The following VGLL4 variants were observed in gnomAD, a reference collection of about 807,000 sequenced individuals.
VGLL4 encodes the protein transcription cofactor vestigial-like protein 4.
Under a neutral mutation model 21.0 loss-of-function variants are expected in VGLL4, and 7 were observed. The ratio of observed to expected loss-of-function variants is 0.33; its 90% CI spans 0.19 to 0.63. The LOEUF is 0.63. Among genes scored for constraint, VGLL4 ranks in the 20% least tolerant of loss-of-function variants. The pLI is 0.78. For missense variants in VGLL4, 394 were observed against 425.7 expected (o/e 0.93, Z 0.66); for synonymous variants, 222 against 173.2 (o/e 1.28, Z -2.21).
chr3:11,714,361 C>T (rs2076890465), intron 1 of VGLL4, among the ~76,000 whole-genome samples: 1 of 152,094 alleles, frequency 6.6e-6, no homozygotes, highest in South Asian at 2.1e-4. Flanking sequence ...GAGCAGACTA[C>T]CAATTCCCAA....
intron 3 of VGLL4, among the ~76,000 whole-genome samples, chr3:11,564,020 C>G (rs1422884202): frequency 1.3e-5 from 2 of 152,158 alleles, no homozygotes; most frequent in East Asian, 3.9e-4. Flanking sequence ...GGAGGCACCC[C>G]CTCGGGGCAC....
intron 2 of VGLL4, among the ~76,000 whole-genome samples, chr3:11,688,641 T>C (rs1679870653): frequency 6.6e-6 from 1 of 152,232 alleles, no homozygotes. Flanking sequence ...GTTTGTTTAA[T>C]TTATTGATCT....
chr3:11,564,807 T>TC lies in VGLL4; in HGVS notation c.484dup (p.Glu162GlyfsTer51). ...CAGACAGAGGCCCACCTGCTGCCGC[T>TC]CCCCCGGGGTCAGTGTGGGCGAGAG... On this transcript the variant is annotated frameshift_variant, in exon 3 of 5. Transcript: ENST00000430365. LOFTEE classifies it high-confidence loss of function. The TC allele has an allele frequency of 6.4e-7, 1 of 1,559,554 alleles. No individual in the cohort carries two copies.
chr3:11,658,557 C>G (rs1342344016), intron 2 of VGLL4, among the ~76,000 whole-genome samples: 1 of 150,362 alleles, frequency 6.7e-6, no homozygotes, highest in African/African-American at 2.5e-5. Flanking sequence ...GTTTTAATAT[C>G]ATGATTAATT....
chr3:11,714,581 GA>G (rs1035894676), intron 1 of VGLL4, among the ~76,000 whole-genome samples: 4 of 146,038 alleles, frequency 2.7e-5, no homozygotes, highest in East Asian at 2.0e-4. Flanking sequence ...AAAAAAAAAA[GA>G]AAAAAATGAA....
At chr3:11,566,558 C>A (rs1388466074) in intron 2 of VGLL4, among the ~76,000 whole-genome samples, 2 of 152,208 alleles carry the variant, frequency 1.3e-5, no homozygotes, top group Admixed American at 6.5e-5. Flanking sequence ...CCGTCCTCAT[C>A]TCTGGCTTCA....
intron 2 of VGLL4, among the ~76,000 whole-genome samples, chr3:11,692,327 G>C (rs1017815504): frequency 1.3e-5 from 2 of 152,134 alleles, no homozygotes; most frequent in African/African-American, 2.4e-5. Context: ...TGTCTCTGGA[G>C]GGCAGCCCTT....
At chr3:11,573,292 AAAGAAAGAAAGAAAGGAAGGAAGG>A (rs1559869784) in intron 2 of VGLL4, among the ~76,000 whole-genome samples, 209 of 11,018 alleles carry the variant, frequency 0.019, 18 homozygotes, top group East Asian at 0.062. Context: ...AGAAAGAAAG[AAAGAAAGAAAGAAAGGAAGGAAGG>A]AAGAAAGAAA....
rs759905631 is a variant in VGLL4 at position 11,653,207 on chromosome 3, A to G, written c.64+49764T>C. Reference sequence around the variant, plus strand: ...CACCTCCACAGTCATCCTTCCAACCAGTTAGGGTGCCGTCCAGGAAAGAGA... The same window carrying G: ...CACCTCCACAGTCATCCTTCCAACCGGTTAGGGTGCCGTCCAGGAAAGAGA... On this transcript the variant is annotated intron_variant, in intron 2 of 5. Transcript: ENST00000273038. This position sits in a 1 kb window ranked among gnomAD's most constrained non-coding sequence, Gnocchi z 4.2. Among the ~76,000 whole-genome samples the G allele has an allele frequency of 6.6e-6, 1 of 152,180 alleles. No individual in the cohort carries two copies.
intron 2 of VGLL4, among the ~76,000 whole-genome samples, chr3:11,699,372 T>C (rs1335052848): frequency 1.3e-5 from 2 of 152,158 alleles, no homozygotes. Flanking sequence ...TTCCCAAAAA[T>C]GTTAATAATA....
rs34152653 is a variant in VGLL4 at position 11,643,669 on chromosome 3, T to TAAA, written c.-154_-152dup. On this transcript the variant is annotated 5_prime_UTR_variant, in exon 1 of 5. Coordinates refer to ENST00000430365, the MANE Select transcript of VGLL4 (RefSeq NM_001128219.3). ...CTATCAAAACAAAGTATGCAAAAGT[T>TAAA]AAAAAAAAAAAAATCAGGCACAAAA... 13 of 1,345,288 alleles carry TAAA rather than the reference T, an allele frequency of 9.7e-6. No individual in the cohort carries two copies. Among genetic ancestry groups the TAAA allele is most frequent in the African/African-American group, 4.5e-5 (3 of 65,936 alleles). The allele number at this position is 1,345,288 out of a possible 1,614,324, so 83.3% of individuals were successfully genotyped here.
intron 3 of VGLL4, among the ~76,000 whole-genome samples, chr3:11,563,568 C>T (rs1189185850): frequency 6.6e-6 from 1 of 152,270 alleles, no homozygotes; most frequent in African/African-American, 2.4e-5. Context: ...CACAGCTCTG[C>T]TCTGCAGAGG....
intron 1 of VGLL4, among the ~76,000 whole-genome samples, chr3:11,716,265 G>A (rs1299104487): frequency 6.9e-6 from 1 of 145,330 alleles, no homozygotes; most frequent in Non-Finnish European, 1.5e-5. Flanking sequence ...TCGCGCCACT[G>A]CACTCCAGCC....
Position 11,643,573 on chromosome 3 carries a change from T to TTTCAAAAATCAA in VGLL4, c.-67_-56dup. On this transcript the variant is annotated 5_prime_UTR_variant, in exon 1 of 5. Coordinates refer to ENST00000430365, the MANE Select transcript of VGLL4 (RefSeq NM_001128219.3). ...TTGCTTTTGCCCCAAAAGAGTTAAG[T>TTTCAAAAATCAA]TTCAAAAATCAATTGTTGCTGAGTA... The TTTCAAAAATCAA allele has an allele frequency of 6.2e-7, 1 of 1,611,786 alleles. No individual in the cohort carries two copies. Among genetic ancestry groups the TTTCAAAAATCAA allele is most frequent in the Non-Finnish European group, 8.5e-7 (1 of 1,179,320 alleles).
intron 1 of VGLL4, among the ~76,000 whole-genome samples, chr3:11,709,154 A>T (rs1211301979): frequency 2.0e-5 from 3 of 152,016 alleles, no homozygotes; most frequent in Non-Finnish European, 4.4e-5. Context: ...AAAGATACAG[A>T]GGGCCAGGTG....
intron 2 of VGLL4, among the ~76,000 whole-genome samples, chr3:11,686,063 T>C (rs1278435093): frequency 2.0e-5 from 3 of 152,152 alleles, no homozygotes; most frequent in South Asian, 2.1e-4. Context: ...TGTGGAGAAA[T>C]TGGAACCCTT....
intron 2 of VGLL4, among the ~76,000 whole-genome samples, chr3:11,569,908 T>G (rs111326626): frequency 1.3e-5 from 2 of 152,152 alleles, no homozygotes; most frequent in Non-Finnish European, 2.9e-5. Flanking sequence ...TAGCACATCT[T>G]TAATCTTAAA....
At chr3:11,688,367 T>C (rs2076480852) in intron 2 of VGLL4, among the ~76,000 whole-genome samples, 1 of 152,218 alleles carries the variant, frequency 6.6e-6, no homozygotes. Context: ...TAGGATTTGG[T>C]AAAATTCACC....
chr3:11,600,130 A>G (rs73025162), intron 2 of VGLL4, among the ~76,000 whole-genome samples: 16,435 of 152,180 alleles, frequency 0.11, 1,163 homozygotes, highest in East Asian at 0.25. Context: ...AAAGTGCTAT[A>G]CCATGCCAAG....
Sources: allele counts gnomAD v4.1 joint callset (sites outside exome capture counted in the v4.1 genomes callset), GRCh38; gene constraint gnomAD v4.1.1; non-coding constraint Gnocchi (gnomAD v3.1); transcripts MANE v1.5; gene names NCBI Gene and HGNC (gene_info 2026-07-23, HGNC 2026-07-21).